Variants in CFAP44 observed in about 807,000 individuals in gnomAD.
CFAP44 encodes the protein cilia and flagella associated protein 44.
CFAP44 carries 134 observed loss-of-function variants against 216.2 expected under a neutral mutation model. That is an observed-to-expected ratio of 0.62 (90% confidence interval 0.54 to 0.72). The LOEUF (loss-of-function observed/expected upper bound fraction) is 0.72. Among genes scored for constraint, CFAP44 ranks in the 30% least tolerant of loss-of-function variants. The pLI is 0.00. For missense variants in CFAP44, 2,035 were observed against 2,182.1 expected, an observed-to-expected ratio of 0.93 and a Z score of 1.34; for synonymous variants, 700 against 727.6, an observed-to-expected ratio of 0.96 and a Z score of 0.61.
At chr3:113,310,374 AC>A (rs1388441792) in intron 28 of CFAP44, among the ~76,000 whole-genome samples, 1 of 152,178 alleles carries the variant, frequency 6.6e-6, no homozygotes, top group East Asian at 1.9e-4. Flanking sequence ...TGGAACCCAC[AC>A]CCATACATAG....
intron 28 of CFAP44, among the ~76,000 whole-genome samples, chr3:113,320,721 G>A (rs2107804095): frequency 6.6e-6 from 1 of 152,170 alleles, no homozygotes. Flanking sequence ...AGAACTTGGA[G>A]TTCAATGTTC....
intron 15 of CFAP44, among the ~76,000 whole-genome samples, chr3:113,385,157 T>A (rs2107342288): frequency 6.6e-6 from 1 of 152,338 alleles, no homozygotes; most frequent in East Asian, 1.9e-4. Flanking sequence ...GCTCTTCCTT[T>A]GTCTTCCACC....
At chr3:113,395,267 G>A (rs531422819) in intron 15 of CFAP44, among the ~76,000 whole-genome samples, 5 of 152,128 alleles carry the variant, frequency 3.3e-5, no homozygotes, top group African/African-American at 9.7e-5. Flanking sequence ...AATCAATACC[G>A]AATTACCAAT....
At chr3:113,358,662 C>T in intron 22 of CFAP44, 83 bp downstream of exon 22, 2 of 1,465,396 alleles carry the variant, frequency 1.4e-6, no homozygotes, top group East Asian at 2.5e-5. Flanking sequence ...TCTTAACTGG[C>T]CACTTCACTG....
intron 15 of CFAP44, among the ~76,000 whole-genome samples, chr3:113,389,805 G>A (rs1348800247): frequency 1.3e-5 from 2 of 152,016 alleles, no homozygotes; most frequent in Admixed American, 6.6e-5. Flanking sequence ...ACTGAACCAT[G>A]AAGAAATTCA....
intron 32 of CFAP44, among the ~76,000 whole-genome samples, chr3:113,300,172 C>T (rs1223429733): frequency 6.6e-6 from 1 of 152,106 alleles, no homozygotes; most frequent in Non-Finnish European, 1.5e-5. Context: ...CAACTGAACT[C>T]ATGGAGATAG....
chr3:113,403,712 A>G, intron 9 of CFAP44, 140 bp downstream of exon 9: 3 of 895,186 alleles, frequency 3.4e-6, no homozygotes, highest in Non-Finnish European at 4.7e-6. Flanking sequence ...CAAGAGAAGC[A>G]TTATTTAAAG....
rs1012627351 is a variant in CFAP44 at position 113,302,219 on chromosome 3, T to C, written c.5077+1697A>G. ...TCCGTGTCTTGGCAATTGTGAATAA[T>C]ACTGCAGTGAACATAGGACTGCAGA... On this transcript the variant is annotated intron_variant, in intron 32 of 34. Transcript: ENST00000393845. 2.6e-5 allele frequency among the ~76,000 whole-genome samples: 4 copies of C among 152,184 alleles called. No homozygotes were observed. In the East Asian group the frequency reaches 7.7e-4, roughly 29 times the overall value.
chr3:113,386,722 C>T (rs1576584038), intron 15 of CFAP44, among the ~76,000 whole-genome samples: 1 of 152,208 alleles, frequency 6.6e-6, no homozygotes, highest in Non-Finnish European at 1.5e-5. Flanking sequence ...CACACAAAAA[C>T]ACCTTGCTAA....
rs115528521 is a variant in CFAP44, at chr3:113,394,887, A to G, written c.1890+863T>C. On this transcript the variant is annotated intron_variant, in intron 15 of 34. Transcript: ENST00000393845. ...GTCACCAATTCCTTTGTGAAACCTT[A>G]TTATTCAATGATAAGGTATATTTAA... Among the ~76,000 whole-genome samples the G allele has an allele frequency of 8.4e-3, 1,280 of 152,310 alleles. 20 individuals carry two copies. Among genetic ancestry groups the G allele is most frequent in the African/African-American group, 0.029 (1,212 of 41,564 alleles).
intron 13 of CFAP44, among the ~76,000 whole-genome samples, chr3:113,398,995 C>A (rs868220272): frequency 1.3e-5 from 2 of 152,124 alleles, no homozygotes; most frequent in Non-Finnish European, 2.9e-5. Context: ...TCAGCTTCTG[C>A]CTTTACAGTT....
At position 113,381,012 on chromosome 3, in the gene CFAP44, C is replaced by A; in HGVS notation, c.1939G>T (p.Ala647Ser). The A allele has an allele frequency of 6.3e-7, 1 of 1,596,664 alleles. No individual in the cohort carries two copies. Among genetic ancestry groups the A allele is most frequent in the Non-Finnish European group, 8.5e-7 (1 of 1,171,890 alleles). ...IICENGYILE[A>S]PLPTIKQEED... Reference sequence around the variant, plus strand: ...TCTTGCTTTATGGTTGGAAGTGGAGCTTCAAGAATATAGCCATTTTCACAG... The same window carrying A: ...TCTTGCTTTATGGTTGGAAGTGGAGATTCAAGAATATAGCCATTTTCACAG... The change falls in exon 16 of 35, where the codon GCT becomes TCT. Residue 647 changes from alanine (A) to serine (S), a missense_variant. Ala to Ser is a moderately conservative substitution (Grantham distance 99). Coordinates refer to ENST00000393845, the MANE Select transcript of CFAP44 (RefSeq NM_001164496.2).
chr3:113,383,168 G>A lies in CFAP44; in HGVS notation c.1891-2108C>T, dbSNP rs117795653. The stretch of plus-strand genomic sequence containing the variant: ...AAGGAAATCAGGGCATTGGAAGAAT[G>A]TTATTGATCCTTGTTTGTCTTAGTC... On this transcript the variant is annotated intron_variant, in intron 15 of 34. Transcript: ENST00000393845. 5.3e-5 allele frequency among the ~76,000 whole-genome samples: 8 copies of A among 152,358 alleles called. No individual in the cohort carries two copies. The East Asian group carries it at 1.3e-3, about 26-fold the overall frequency.
chr3:113,423,139 G>A (rs1934865285), intron 4 of CFAP44, among the ~76,000 whole-genome samples: 1 of 135,426 alleles, frequency 7.4e-6, no homozygotes, highest in African/African-American at 2.9e-5. Context: ...TTGTGAGATG[G>A]GGTCTCACTT....
chr3:113,287,716 C>G lies in CFAP44; in HGVS notation c.*3841G>C, dbSNP rs1015612034. On this transcript the variant is annotated 3_prime_UTR_variant, in exon 35 of 35. Coordinates refer to ENST00000393845, the MANE Select transcript of CFAP44 (RefSeq NM_001164496.2). The stretch of plus-strand genomic sequence containing the variant: ...AAAAACAGGTTCATAGTTCTCTTAC[C>G]AACTGGACTTGAGATGAAGTTTAGG... 6.6e-6 allele frequency: 1 copy of G among 152,170 alleles called. No individual in the cohort carries two copies. Among genetic ancestry groups the G allele is most frequent in the African/African-American group, 2.4e-5 (1 of 41,426 alleles). 9.4% of individuals were successfully genotyped at this position (152,170 alleles called of 1,614,324 possible).
At chr3:113,328,202 C>T (rs924299300) in intron 26 of CFAP44, among the ~76,000 whole-genome samples, 8 of 151,052 alleles carry the variant, frequency 5.3e-5, no homozygotes, top group Admixed American at 1.3e-4. Flanking sequence ...CAAATAAATA[C>T]GTTTCCCAAC....
intron 1 of CFAP44, 29 bp from the exon 2 acceptor site, chr3:113,433,698 G>A (rs1375852757): frequency 2.0e-6 from 3 of 1,511,506 alleles, no homozygotes; most frequent in Non-Finnish European, 2.8e-6. Context: ...GATGAGATAT[G>A]GATAAAGCTG....
chr3:113,392,961 G>A (rs1933886183), intron 15 of CFAP44, among the ~76,000 whole-genome samples: 2 of 152,116 alleles, frequency 1.3e-5, no homozygotes, highest in South Asian at 2.1e-4. Context: ...AGATCCACCT[G>A]CCCCTGACCT....
At chr3:113,379,912 G>A (rs1020445535) in intron 16 of CFAP44, among the ~76,000 whole-genome samples, 3 of 152,118 alleles carry the variant, frequency 2.0e-5, no homozygotes, top group Admixed American at 2.0e-4. Flanking sequence ...CTGTGAGTTT[G>A]GCCTTCATCA....
Sources: allele counts gnomAD v4.1 joint callset (sites outside exome capture counted in the v4.1 genomes callset), GRCh38; gene constraint gnomAD v4.1.1; transcripts MANE v1.5; gene names NCBI Gene and HGNC (gene_info 2026-07-23, HGNC 2026-07-21).